Variants in FADS2 observed in about 807,000 individuals in gnomAD.
The protein encoded by FADS2 is fatty acid desaturase 2, also known as acyl-CoA 6-desaturase.
In FADS2, 18 loss-of-function variants were observed where a neutral mutation model predicts 61.2. The observed-to-expected ratio is 0.29, with a 90% confidence interval of 0.20 to 0.44. The LOEUF (loss-of-function observed/expected upper bound fraction) is 0.44. FADS2 is among the 20% of genes least tolerant of loss of function. The pLI is 1.00. For missense variants in FADS2, 322 were observed against 572.7 expected (o/e 0.56, Z 4.47); for synonymous variants, 203 against 223.9 (o/e 0.91, Z 0.83).
At chr11:61,832,163 G>A (rs547488286) in intron 1 of FADS2, among the ~76,000 whole-genome samples, 4 of 152,108 alleles carry the variant, frequency 2.6e-5, no homozygotes, top group African/African-American at 7.2e-5. Flanking sequence ...GTTCCTGCCC[G>A]GTCTGCATTG....
intron 2 of FADS2, among the ~76,000 whole-genome samples, chr11:61,839,329 C>CT (rs146095094): frequency 0.069 from 10,120 of 146,614 alleles, 414 homozygotes; most frequent in African/African-American, 0.11. Flanking sequence ...TTCTTTCTTT[C>CT]TTTTTTTTTT....
At chr11:61,843,705 C>T (rs2067233929) in intron 4 of FADS2, among the ~76,000 whole-genome samples, 1 of 152,200 alleles carries the variant, frequency 6.6e-6, no homozygotes, top group African/African-American at 2.4e-5. Context: ...GTCGCCCAGG[C>T]TGGAGTGCAA....
intron 1 of FADS2, among the ~76,000 whole-genome samples, chr11:61,818,967 T>A (rs1405920699): frequency 6.6e-6 from 1 of 151,892 alleles, no homozygotes; most frequent in Non-Finnish European, 1.5e-5. Flanking sequence ...ACCTCCCAGG[T>A]TCATGGCATT....
At chr11:61,836,312 G>A (rs115071316) in intron 1 of FADS2, among the ~76,000 whole-genome samples, 4,062 of 152,260 alleles carry the variant, frequency 0.027, 183 homozygotes, top group African/African-American at 0.092. Context: ...TGCCCAGGCC[G>A]ATCTCAAACT....
rs889560623 is a variant in FADS2 at position 61,828,501 on chromosome 11, G to A, written c.111G>A (p.Leu37=). ...QKHNLRTDRW[L]VIDRKVYNIT... ...ATAACCTGCGCACCGACAGGTGGCT[G>A]GTCATTGACCGCAAGGTTTACAACA... The change falls in exon 1 of 12, where the codon CTG becomes CTA. Residue 37 remains leucine (L), a synonymous_variant. Coordinates refer to ENST00000278840, the MANE Select transcript of FADS2 (RefSeq NM_004265.4). The surrounding 1 kb of genome is among the most constrained non-coding windows in gnomAD (Gnocchi z 6.4). 1 of 1,613,596 alleles carries A rather than the reference G, an allele frequency of 6.2e-7. No homozygotes were observed. Among genetic ancestry groups the A allele is most frequent in the Admixed American group, 1.7e-5 (1 of 59,990 alleles).
chr11:61,860,583 T>C (rs925969587), intron 7 of FADS2, among the ~76,000 whole-genome samples: 3 of 152,228 alleles, frequency 2.0e-5, no homozygotes, highest in Non-Finnish European at 4.4e-5. Context: ...TCTCTGCCCC[T>C]GAAACCAGCG....
chr11:61,859,020 A>G (rs1275347055), intron 7 of FADS2, among the ~76,000 whole-genome samples: 5 of 152,086 alleles, frequency 3.3e-5, no homozygotes, highest in African/African-American at 1.2e-4. Flanking sequence ...TTCCTCTCTT[A>G]ACCAAATGTG....
chr11:61,866,232 G>C lies in FADS2; in HGVS notation c.*543G>C, dbSNP rs17156516. On this transcript the variant is annotated 3_prime_UTR_variant, in exon 12 of 12. Coordinates refer to ENST00000278840, the MANE Select transcript of FADS2 (RefSeq NM_004265.4). ...AGAGGCCTGCTTTGTTACAAAGCTC[G>C]GGTCTCCCTCCTGCAGCTCGGTTAA... 4 of 385,524 alleles carry C rather than the reference G, an allele frequency of 1.0e-5. No individual in the cohort carries two copies. Among genetic ancestry groups the C allele is most frequent in the Non-Finnish European group, 1.4e-5 (3 of 218,452 alleles). The allele number at this position is 385,524 out of a possible 1,614,324, so 23.9% of individuals were successfully genotyped here.
chr11:61,848,282 G>C lies in FADS2; in HGVS notation c.742G>C (p.Glu248Gln). The C allele has an allele frequency of 6.2e-7, 1 of 1,614,140 alleles. No homozygotes were observed. The highest frequency in any genetic ancestry group is 8.5e-7 in the Non-Finnish European group (1 of 1,179,998). ...TGTTCTGGGCGAATGGCAGCCCATC[G>C]AGGTACGACTAAGAGGATGGTGTTG... ...VFVLGEWQPI[E>Q]YGKKKLKYLP... Residue 248 changes from glutamate to glutamine, a missense_variant and splice_region_variant, in exon 5 of 12, where the codon GAG (glutamate) becomes CAG (glutamine). Glu to Gln is a conservative substitution (Grantham distance 29). This residue lies in a region of FADS2 where 221 missense variants were observed against 427.9 expected (regional missense o/e 0.52). Transcript: ENST00000278840.
chr11:61,835,641 G>A (rs1262721148), intron 1 of FADS2, among the ~76,000 whole-genome samples: 1 of 151,114 alleles, frequency 6.6e-6, no homozygotes, highest in Non-Finnish European at 1.5e-5. Flanking sequence ...TCTGGCCTCA[G>A]GCAATCCGCC....
chr11:61,816,894 G>A lies in FADS2; in HGVS notation c.141+468G>A. On this transcript the variant is annotated intron_variant, in intron 1 of 11. Coordinates refer to the FADS2 transcript ENST00000257261. The surrounding 1 kb of genome is among the most constrained non-coding windows in gnomAD (Gnocchi z 7.0). ...TGCGCGCCGGGTTTTCAGCACCGCA[G>A]GGCAGACCGGCGGGCCTCGCAGCGC... The A allele has an allele frequency of 7.0e-7, 1 of 1,433,242 alleles. No individual in the cohort carries two copies. The highest frequency in any genetic ancestry group is 9.0e-7 in the Non-Finnish European group (1 of 1,105,890). The allele number at this position is 1,433,242 out of a possible 1,614,324, so 88.8% of individuals were successfully genotyped here. A position where few individuals can be genotyped will look rare whatever the true frequency, so the allele number is the denominator to read the frequency against.
chr11:61,850,094 G>T (rs1296969637), intron 5 of FADS2, among the ~76,000 whole-genome samples: 1 of 152,148 alleles, frequency 6.6e-6, no homozygotes, highest in South Asian at 2.1e-4. Context: ...CCACCTCTGC[G>T]AATGTGGATG....
rs174575 is a variant in FADS2 at position 61,834,531 on chromosome 11, C to G, written c.208-3247C>G. Among the ~76,000 whole-genome samples the G allele has an allele frequency of 0.24, 37,031 of 152,114 alleles. 4,702 individuals are homozygous for G. The highest frequency in any genetic ancestry group is 0.32 in the Middle Eastern group (94 of 294). On this transcript the variant is annotated intron_variant, in intron 1 of 11. Transcript: ENST00000278840. Reference sequence around the variant, plus strand: ...CGAGAGCCCTCTGGAAATGGCTGAGCAGCAACCAAGGTCAAGGCAGGGCTC... The same window carrying G: ...CGAGAGCCCTCTGGAAATGGCTGAGGAGCAACCAAGGTCAAGGCAGGGCTC...
chr11:61,849,459 G>C (rs1259060490), intron 5 of FADS2, among the ~76,000 whole-genome samples: 2 of 152,076 alleles, frequency 1.3e-5, no homozygotes, highest in African/African-American at 4.8e-5. Context: ...GGTAGCACGT[G>C]CCTAGTCTCA....
Position 61,866,313 on chromosome 11 carries a change from C to T in FADS2, c.*624C>T, listed in dbSNP as rs934274602. On this transcript the variant is annotated 3_prime_UTR_variant, in exon 12 of 12. Transcript: ENST00000278840. ...GCCCCAGGCCCGCGGGCACAGCCAG[C>T]CCAAACCTTGGGCCCTGGAAGAGTC... 8 of 263,638 alleles carry T rather than the reference C, an allele frequency of 3.0e-5. No homozygotes were observed. The highest frequency in any genetic ancestry group is 5.7e-5 in the Non-Finnish European group (8 of 140,930). 16.3% of individuals were successfully genotyped at this position (263,638 alleles called of 1,614,324 possible).
intron 5 of FADS2, chr11:61,848,861 G>A (rs2067282791): frequency 6.5e-6 from 1 of 153,438 alleles, no homozygotes; most frequent in African/African-American, 2.4e-5. Context: ...AGAAATTGAA[G>A]GTCAGCGAGA....
Position 61,865,598 on chromosome 11 carries a change from C to G in FADS2, c.1284-40C>G, listed in dbSNP as rs762759491. On this transcript the variant is annotated intron_variant, in intron 11 of 11. Transcript: ENST00000278840. The surrounding 1 kb of genome is among the most constrained non-coding windows in gnomAD (Gnocchi z 4.1). ...CCCTTGCACTCCCTGGGGCCACTCC[C>G]GTCCTGGTCCCTGACCCTGGTCCAT... 1 of 1,597,570 alleles carries G rather than the reference C, an allele frequency of 6.3e-7. No homozygotes were observed.
In FADS2 at chr11:61,841,530, C is replaced by A. The variant is rs11819889; in HGVS notation, c.618+805C>A. 7.5e-4 allele frequency among the ~76,000 whole-genome samples: 112 copies of A among 149,892 alleles called. 1 individual carries two copies. The highest frequency in any genetic ancestry group is 3.5e-3 in the Admixed American group (53 of 15,140). On this transcript the variant is annotated intron_variant, in intron 4 of 11. Transcript: ENST00000278840. ...CCTGGGCAACATAGTGAGACCCCCCCCCATCTCTCAAAAAAAAAAAAGAAA... is the reference window on the plus strand; with the variant it reads ...CCTGGGCAACATAGTGAGACCCCCCACCATCTCTCAAAAAAAAAAAAGAAA...
At chr11:61,853,123 C>T (rs2067321590) in intron 5 of FADS2, among the ~76,000 whole-genome samples, 1 of 151,928 alleles carries the variant, frequency 6.6e-6, no homozygotes, top group Admixed American at 6.6e-5. Flanking sequence ...CCACTGCACT[C>T]CAGCCTGGGC....
Sources: allele counts gnomAD v4.1 joint callset (sites outside exome capture counted in the v4.1 genomes callset), GRCh38; gene constraint gnomAD v4.1.1; regional missense constraint gnomAD v4.1.1; non-coding constraint Gnocchi (gnomAD v3.1); transcripts MANE v1.5; gene names NCBI Gene and HGNC (gene_info 2026-07-23, HGNC 2026-07-21).